Variants in UGT2B17 observed in about 807,000 individuals in gnomAD.
UGT2B17 encodes the protein UDP-glucuronosyltransferase 2B17.
UGT2B17 carries 21 observed loss-of-function variants against 48.2 expected under a neutral mutation model. The ratio of observed to expected loss-of-function variants is 0.44; its 90% CI spans 0.31 to 0.63. UGT2B17 has a LOEUF of 0.63. Among genes scored for constraint, UGT2B17 ranks in the 20% least tolerant of loss-of-function variants. UGT2B17 has a pLI of 0.08. For synonymous variants in UGT2B17, 146 were observed against 238.4 expected (o/e 0.61, Z 3.57); for missense variants, 402 against 696.1 (o/e 0.58, Z 4.75).
intron 1 of UGT2B17, among the ~76,000 whole-genome samples, chr4:68,574,987 T>TA (rs869191380): frequency 8.2e-6 from 1 of 122,670 alleles, no homozygotes; most frequent in African/African-American, 2.8e-5. Context: ...TCCTTTTTTT[T>TA]AAAAAGTGAA....
rs1372130529 is a variant in UGT2B17, at chr4:68,563,959, A to T, written c.873+1613T>A. ...AAATATTAGAAATAATGACTAAAAT[A>T]ATAATCATAATATCAACAATATTTT... On this transcript the variant is annotated intron_variant, in intron 3 of 6. Coordinates refer to ENST00000317746, the MANE Select transcript of UGT2B17 (RefSeq NM_001077.4). Among the ~76,000 whole-genome samples the T allele has an allele frequency of 2.4e-5, 3 of 125,488 alleles. 1 individual carries two copies. Among genetic ancestry groups the T allele is most frequent in the African/African-American group, 8.2e-5 (3 of 36,788 alleles). The allele number at this position is 125,488 out of a possible 152,430, so 82.3% of individuals were successfully genotyped here. A position where few individuals can be genotyped will look rare whatever the true frequency, so the allele number is the denominator to read the frequency against.
intron 3 of UGT2B17, among the ~76,000 whole-genome samples, chr4:68,561,704 C>T (rs1354199984): frequency 8.3e-6 from 1 of 119,810 alleles, no homozygotes; most frequent in Non-Finnish European, 1.7e-5. Flanking sequence ...GAGAATTATT[C>T]TGACTTGTGT....
intron 6 of UGT2B17, among the ~76,000 whole-genome samples, chr4:68,543,201 C>T (rs1490519210): frequency 7.9e-6 from 1 of 125,830 alleles, no homozygotes; most frequent in African/African-American, 2.7e-5. Flanking sequence ...TAGGGGCAGA[C>T]TGACACCTCA....
intron 3 of UGT2B17, among the ~76,000 whole-genome samples, chr4:68,564,477 C>A (rs1350535340): frequency 8.3e-6 from 1 of 119,892 alleles, no homozygotes; most frequent in Non-Finnish European, 1.7e-5. Flanking sequence ...TTAGTAGAGA[C>A]GGGGTTTCAC....
intron 4 of UGT2B17, among the ~76,000 whole-genome samples, chr4:68,555,240 G>A (rs375060417): frequency 3.2e-5 from 4 of 125,132 alleles, no homozygotes; most frequent in African/African-American, 8.1e-5. Context: ...ATTTGACATA[G>A]GGGTTACAAA....
In UGT2B17 at chr4:68,568,298, G is replaced by C. The variant is rs368989792; in HGVS notation, c.187C>G (p.Leu63Val). 5 of 1,378,078 alleles carry C rather than the reference G, an allele frequency of 3.6e-6. 1 individual carries two copies. The African/African-American group carries it at 7.4e-5, about 20-fold the overall frequency. 85.4% of individuals were successfully genotyped at this position (1,378,078 alleles called of 1,614,324 possible). A position where few individuals can be genotyped will look rare whatever the true frequency, so the allele number is the denominator to read the frequency against. The change falls in exon 2 of 7, where the codon CTT (leucine) becomes GTT (valine). Residue 63 changes from leucine (L) to valine (V), a missense_variant. Leu to Val is a conservative substitution (Grantham distance 32). Around this residue, in one of 5 missense-constraint regions of UGT2B17, gnomAD observed 51 missense variants for 108.7 expected, o/e 0.47. Transcript: ENST00000317746. ...VIVLTSSASILVNASKSSAIK... is the reference protein window; with the variant it reads ...VIVLTSSASIVVNASKSSAIK... ...GCAGATGATTTACTGGCATTGACAA[G>C]AATAGAAGCCGAAGATGTCAACACA...
rs1185417844 is a variant in UGT2B17 at position 68,574,766 on chromosome 4, A to G, written c.-65+1185T>C. On this transcript the variant is annotated intron_variant, in intron 1 of 6. Coordinates refer to ENST00000317746, the MANE Select transcript of UGT2B17 (RefSeq NM_001077.4). ...AGGCCTTATTACTTTTAAATTATGCAACATTTTTTGCATAAAATTTTTTAT... is the reference window on the plus strand; with the variant it reads ...AGGCCTTATTACTTTTAAATTATGCGACATTTTTTGCATAAAATTTTTTAT... Among the ~76,000 whole-genome samples the G allele has an allele frequency of 1.6e-5, 2 of 126,416 alleles. 1 individual carries two copies. Among genetic ancestry groups the G allele is most frequent in the East Asian group, 1.5e-3 (2 of 1,320 alleles). 82.9% of individuals were successfully genotyped at this position (126,416 alleles called of 152,430 possible). A position where few individuals can be genotyped will look rare whatever the true frequency, so the allele number is the denominator to read the frequency against.
At position 68,570,599 on chromosome 4, in the gene UGT2B17, C is replaced by A. The variant is rs1414147673; in HGVS notation, c.-64-2051G>T. Among the ~76,000 whole-genome samples, 4 of 126,074 alleles carry A rather than the reference C, an allele frequency of 3.2e-5. 1 individual carries two copies. Among genetic ancestry groups the A allele is most frequent in the Non-Finnish European group, 6.7e-5 (4 of 59,512 alleles). The allele number at this position is 126,074 out of a possible 152,430, so 82.7% of individuals were successfully genotyped here. On this transcript the variant is annotated intron_variant, in intron 1 of 6. Coordinates refer to ENST00000317746, the MANE Select transcript of UGT2B17 (RefSeq NM_001077.4). ...CTCACTTTTTATTAGTGGGAGTTCT[C>A]ACTCATTTTTTTACTTATGTCTTTT...
chr4:68,537,522 G>T lies in UGT2B17; in HGVS notation c.*103C>A. The T allele has an allele frequency of 9.4e-7, 1 of 1,060,228 alleles. No homozygotes were observed. The highest frequency in any genetic ancestry group is 1.2e-6 in the Non-Finnish European group (1 of 823,624). 65.7% of individuals were successfully genotyped at this position (1,060,228 alleles called of 1,614,324 possible). A position where few individuals can be genotyped will look rare whatever the true frequency, so the allele number is the denominator to read the frequency against. On this transcript the variant is annotated 3_prime_UTR_variant, in exon 7 of 7. Transcript: ENST00000317746. ...TTAACAGGGTAAGTTGTGAAAAGACGTTTTGTCGCAGGAAAAAGGAAATCC... is the reference window on the plus strand; with the variant it reads ...TTAACAGGGTAAGTTGTGAAAAGACTTTTTGTCGCAGGAAAAAGGAAATCC...
At chr4:68,561,579 C>A (rs1196776111) in intron 3 of UGT2B17, among the ~76,000 whole-genome samples, 1 of 123,476 alleles carries the variant, frequency 8.1e-6, no homozygotes. Flanking sequence ...GGCACTTGAA[C>A]CACAGTGGGA....
At position 68,557,483 on chromosome 4, in the gene UGT2B17, C is replaced by G. The variant is rs1423273265; in HGVS notation, c.1005+3054G>C. Among the ~76,000 whole-genome samples, 8 of 122,730 alleles carry G rather than the reference C, an allele frequency of 6.5e-5. 2 individuals are homozygous for G. Among genetic ancestry groups the G allele is most frequent in the Non-Finnish European group, 1.2e-4 (7 of 58,336 alleles). The allele number at this position is 122,730 out of a possible 152,430, so 80.5% of individuals were successfully genotyped here. ...TGAAATAATAGAAAACTAAAGTAATCTTTTTGACTTTGCTTAAAACATTGC... is the reference window on the plus strand; with the variant it reads ...TGAAATAATAGAAAACTAAAGTAATGTTTTTGACTTTGCTTAAAACATTGC... On this transcript the variant is annotated intron_variant, in intron 4 of 6. Transcript: ENST00000317746.
rs188007685 is a variant in UGT2B17 at position 68,574,655 on chromosome 4, T to C, written c.-65+1296A>G. ...TAATGTAGGTAAAAATCCACATTCT[T>C]ATGCCTCCTTATAATCTTCTCATTA... is the stretch of plus-strand genomic sequence containing the variant. On this transcript the variant is annotated intron_variant, in intron 1 of 6. Coordinates refer to ENST00000317746, the MANE Select transcript of UGT2B17 (RefSeq NM_001077.4). Among the ~76,000 whole-genome samples, 108 of 127,196 alleles carry C rather than the reference T, an allele frequency of 8.5e-4. 17 individuals carry two copies. Among genetic ancestry groups the C allele is most frequent in the African/African-American group, 2.7e-3 (100 of 37,282 alleles). 83.4% of individuals were successfully genotyped at this position (127,196 alleles called of 152,430 possible). A position where few individuals can be genotyped will look rare whatever the true frequency, so the allele number is the denominator to read the frequency against.
At chr4:68,570,738 G>A (rs1731285561) in intron 1 of UGT2B17, among the ~76,000 whole-genome samples, 1 of 126,174 alleles carries the variant, frequency 7.9e-6, no homozygotes, top group Non-Finnish European at 1.7e-5. Flanking sequence ...GCAAACAAGG[G>A]AGCAGTAAGC....
At chr4:68,551,615 T>TA (rs1161959147) in intron 5 of UGT2B17, among the ~76,000 whole-genome samples, 1 of 126,310 alleles carries the variant, frequency 7.9e-6, no homozygotes, top group Admixed American at 8.2e-5. Context: ...ATTCTGACCA[T>TA]AAAGAATGTG....
At chr4:68,542,474 C>T (rs1330468864) in intron 6 of UGT2B17, among the ~76,000 whole-genome samples, 1 of 126,248 alleles carries the variant, frequency 7.9e-6, no homozygotes, top group African/African-American at 2.7e-5. Context: ...GCCAAGATGG[C>T]CGAATAAGAA....
At chr4:68,545,074 C>G (rs1730770349) in intron 6 of UGT2B17, among the ~76,000 whole-genome samples, 1 of 125,536 alleles carries the variant, frequency 8.0e-6, no homozygotes, top group African/African-American at 2.7e-5. Flanking sequence ...CGAAGAGGAC[C>G]TAATAGACAT....
At position 68,564,025 on chromosome 4, in the gene UGT2B17, A is replaced by C. The variant is rs986945397; in HGVS notation, c.873+1547T>G. On this transcript the variant is annotated intron_variant, in intron 3 of 6. Transcript: ENST00000317746. ...GTGTCAGAGACAACTTAAGTGTTTTATCTGTGGTAACTACTTTTTTCCACA... is the reference window on the plus strand; with the variant it reads ...GTGTCAGAGACAACTTAAGTGTTTTCTCTGTGGTAACTACTTTTTTCCACA... Among the ~76,000 whole-genome samples the C allele has an allele frequency of 4.8e-5, 6 of 124,546 alleles. 1 individual carries two copies. Among genetic ancestry groups the C allele is most frequent in the Admixed American group, 3.3e-4 (4 of 11,990 alleles). The allele number at this position is 124,546 out of a possible 152,430, so 81.7% of individuals were successfully genotyped here.
At chr4:68,560,074 G>C (rs1477406995) in intron 4 of UGT2B17, among the ~76,000 whole-genome samples, 2 of 130,372 alleles carry the variant, frequency 1.5e-5, no homozygotes, top group African/African-American at 2.6e-5. Context: ...CAGATTGCTT[G>C]GTAAGACGAA....
In UGT2B17 at chr4:68,537,487, A is replaced by C; in HGVS notation, c.*138T>G. 1.3e-6 allele frequency: 1 copy of C among 744,432 alleles called. No homozygotes were observed. The highest frequency in any genetic ancestry group is 1.8e-6 in the Non-Finnish European group (1 of 555,456). 46.1% of individuals were successfully genotyped at this position (744,432 alleles called of 1,614,324 possible). A position where few individuals can be genotyped will look rare whatever the true frequency, so the allele number is the denominator to read the frequency against. On this transcript the variant is annotated 3_prime_UTR_variant, in exon 7 of 7. Coordinates refer to ENST00000317746, the MANE Select transcript of UGT2B17 (RefSeq NM_001077.4). ...AGTACATATTAAATTCCTGGAAAAT[A>C]AATTTTGACTTAACAGGGTAAGTTG...
Sources: allele counts gnomAD v4.1 joint callset (sites outside exome capture counted in the v4.1 genomes callset), GRCh38; gene constraint gnomAD v4.1.1; regional missense constraint gnomAD v4.1.1; transcripts MANE v1.5; gene names NCBI Gene and HGNC (gene_info 2026-07-23, HGNC 2026-07-21).